Variants in NQO2 observed in about 807,000 individuals in gnomAD.
The protein encoded by NQO2 is N-ribosyldihydronicotinamide:quinone dehydrogenase 2.
A neutral mutation model predicts 22.0 loss-of-function variants in NQO2; 18 were observed. The observed-to-expected ratio is 0.82, with a 90% CI of 0.56 to 1.21. NQO2 has a LOEUF of 1.21. NQO2 is among the 50% of genes most tolerant of loss of function. The pLI is 0.00. For missense variants in NQO2, 267 were observed against 286.9 expected, an observed-to-expected ratio of 0.93 and a Z score of 0.50; for synonymous variants, 106 against 110.8, an observed-to-expected ratio of 0.96 and a Z score of 0.28.
rs747909717 is a variant in NQO2, at chr6:3,006,514, C to T, written c.-39C>T. The T allele has an allele frequency of 3.7e-6, 6 of 1,612,828 alleles. No homozygotes were observed. Among genetic ancestry groups the T allele is most frequent in the Admixed American group, 3.3e-5 (2 of 59,840 alleles). On this transcript the variant is annotated 5_prime_UTR_variant, in exon 2 of 7. Coordinates refer to ENST00000380455, the MANE Select transcript of NQO2 (RefSeq NM_000904.6). The surrounding 1 kb of genome is among the most constrained non-coding windows in gnomAD (Gnocchi z 4.0). ...AGACTACGCAGGAAAGCCCCAGCCA[C>T]CCATCAAATCAGAGAGAAGGAATCC... is the stretch of plus-strand genomic sequence containing the variant.
At chr6:3,005,740 C>T (rs1474683160) in intron 1 of NQO2, 34 of 985,226 alleles carry the variant, frequency 3.5e-5, no homozygotes, top group Non-Finnish European at 4.0e-5. Flanking sequence ...GGAGAACTCA[C>T]GTTTTTCCAG....
At chr6:3,015,195 TC>T in intron 4 of NQO2, 1 of 1,341,462 alleles carries the variant, frequency 7.5e-7, no homozygotes, top group Non-Finnish European at 9.8e-7. Flanking sequence ...TCCATACTCT[TC>T]CTTTTGACTG....
chr6:3,016,474 G>C (rs996944736), intron 5 of NQO2, among the ~76,000 whole-genome samples: 1 of 144,536 alleles, frequency 6.9e-6, no homozygotes, highest in East Asian at 2.0e-4. Flanking sequence ...AATTCTAAAA[G>C]CTTCAGAAAA....
At chr6:3,000,205 C>T (rs1441156211) in intron 1 of NQO2, 120 bp downstream of exon 1, 1 of 152,274 alleles carries the variant, frequency 6.6e-6, no homozygotes, top group Non-Finnish European at 1.5e-5. Context: ...TCGTCGCGCC[C>T]GGGCCAGGGA....
In NQO2 at chr6:3,006,453, C is replaced by T. The variant is rs3757080; in HGVS notation, c.-85-15C>T. The T allele has an allele frequency of 0.058, 92,275 of 1,595,648 alleles. 3,153 individuals carry two copies. The highest frequency in any genetic ancestry group is 0.16 in the East Asian group (6,892 of 43,852). On this transcript the variant is annotated splice_polypyrimidine_tract_variant and intron_variant, in intron 1 of 6. Transcript: ENST00000380455. This position sits in a 1 kb window ranked among gnomAD's most constrained non-coding sequence, Gnocchi z 4.0. ...TGCCTCTCCCCACCCCCTCTGGGTT[C>T]GTTTTGTCTTCCAGATTGCTGGACT...
chr6:3,010,293 A>C, intron 3 of NQO2, 104 bp downstream of exon 3: 1 of 1,024,020 alleles, frequency 9.8e-7, no homozygotes. Flanking sequence ...GAAGCAAGCT[A>C]GCTTCACTTT....
At chr6:3,007,200 C>A (rs1249359857) in intron 2 of NQO2, among the ~76,000 whole-genome samples, 1 of 152,054 alleles carries the variant, frequency 6.6e-6, no homozygotes, top group Non-Finnish European at 1.5e-5. Context: ...TAGCACCATC[C>A]CTGGCCTCTG....
rs891116721 is a variant in NQO2 at position 3,008,141 on chromosome 6, G to A, written c.7+1582G>A. Among the ~76,000 whole-genome samples the A allele has an allele frequency of 2.6e-5, 4 of 152,364 alleles. No homozygotes were observed. The South Asian group carries it at 8.3e-4, about 32-fold the overall frequency. On this transcript the variant is annotated intron_variant, in intron 2 of 6. Coordinates refer to ENST00000380455, the MANE Select transcript of NQO2 (RefSeq NM_000904.6). ...AGAAAGTTTGGTATTTCTGGGGCCA[G>A]GTGCTGTGGCTCATACCAGTAATCC...
intron 2 of NQO2, among the ~76,000 whole-genome samples, chr6:3,009,694 C>G (rs1757078168): frequency 1.3e-5 from 2 of 152,164 alleles, no homozygotes; most frequent in Admixed American, 1.3e-4. Context: ...CTGCCATGGC[C>G]TCAGCCAGTT....
At position 3,015,755 on chromosome 6, in the gene NQO2, T is replaced by C. The variant is rs562524849; in HGVS notation, c.417+112T>C. On this transcript the variant is annotated intron_variant, in intron 5 of 6. Transcript: ENST00000380455. ...CCTTCCTTTTCTTAGCAAATATCGATTGAGCACCCACTATGTACAAAGCAC... is the reference window on the plus strand; with the variant it reads ...CCTTCCTTTTCTTAGCAAATATCGACTGAGCACCCACTATGTACAAAGCAC... The C allele has an allele frequency of 5.0e-6, 5 of 1,001,262 alleles. No homozygotes were observed. In the East Asian group the frequency reaches 7.7e-5, roughly 15 times the overall value. 62.0% of individuals were successfully genotyped at this position (1,001,262 alleles called of 1,614,324 possible).
At chr6:3,015,311 C>T in intron 4 of NQO2, 1 of 985,408 alleles carries the variant, frequency 1.0e-6, no homozygotes, top group Non-Finnish European at 1.2e-6. Flanking sequence ...CTGGGGGATG[C>T]AGAGCTACCT....
At chr6:3,000,598 G>A (rs9378754) in intron 1 of NQO2, among the ~76,000 whole-genome samples, 22,162 of 151,236 alleles carry the variant, frequency 0.15, 1,889 homozygotes, top group Admixed American at 0.19. Flanking sequence ...CTGGAGTGCA[G>A]TGGCACGATT....
At position 3,006,013 on chromosome 6, in the gene NQO2, T is replaced by C. The variant is rs1267110301; in HGVS notation, c.-85-455T>C. On this transcript the variant is annotated intron_variant, in intron 1 of 6. Transcript: ENST00000380455. The surrounding 1 kb of genome is among the most constrained non-coding windows in gnomAD (Gnocchi z 4.0). ...GAGCCTGGGTCTAAGCCAACTCCCATTATTTTCAAGTGAGGGGAAGGGCCG... is the reference window on the plus strand; with the variant it reads ...GAGCCTGGGTCTAAGCCAACTCCCACTATTTTCAAGTGAGGGGAAGGGCCG... Among the ~76,000 whole-genome samples the C allele has an allele frequency of 6.6e-6, 1 of 152,202 alleles. No homozygotes were observed. The highest frequency in any genetic ancestry group is 1.5e-5 in the Non-Finnish European group (1 of 68,040).
intron 1 of NQO2, chr6:3,005,569 C>T (rs1435183593): frequency 1.2e-6 from 1 of 833,042 alleles, no homozygotes; most frequent in Admixed American, 6.2e-5. Context: ...GCCTTCTGCC[C>T]ATTTTTGCAT....
At chr6:3,009,609 A>G (rs538948226) in intron 2 of NQO2, among the ~76,000 whole-genome samples, 1 of 152,388 alleles carries the variant, frequency 6.6e-6, no homozygotes, top group South Asian at 2.1e-4. Flanking sequence ...CAGTAAAGAC[A>G]GGCATAAGAA....
At chr6:3,008,412 C>CA (rs543349139) in intron 2 of NQO2, among the ~76,000 whole-genome samples, 3,383 of 83,378 alleles carry the variant, frequency 0.041, 99 homozygotes, top group African/African-American at 0.1. Flanking sequence ...AACTCTGTTT[C>CA]AAAAAAAAAA....
intron 2 of NQO2, among the ~76,000 whole-genome samples, chr6:3,008,395 A>C (rs1757020532): frequency 1.3e-5 from 2 of 151,614 alleles, no homozygotes; most frequent in Admixed American, 1.3e-4. Context: ...CTGGGCAACA[A>C]GAGCGAAACT....
At chr6:3,017,723 G>A (rs1034496437) in intron 6 of NQO2, among the ~76,000 whole-genome samples, 1 of 152,184 alleles carries the variant, frequency 6.6e-6, no homozygotes, top group African/African-American at 2.4e-5. Flanking sequence ...GCAGACTCCA[G>A]GTCAGGGGCT....
chr6:3,012,475 A>C, intron 3 of NQO2, 69 bp from the exon 4 acceptor site: 3 of 1,555,284 alleles, frequency 1.9e-6, no homozygotes, highest in East Asian at 2.3e-5. Context: ...ACACAGTGCT[A>C]CTGGGATGGT....
Sources: allele counts gnomAD v4.1 joint callset (sites outside exome capture counted in the v4.1 genomes callset), GRCh38; gene constraint gnomAD v4.1.1; non-coding constraint Gnocchi (gnomAD v3.1); transcripts MANE v1.5; gene names NCBI Gene and HGNC (gene_info 2026-07-23, HGNC 2026-07-21).